Variants in SLC25A21 observed in about 807,000 individuals in gnomAD.
The protein encoded by SLC25A21 is solute carrier family 25 member 21.
A neutral mutation model predicts 43.8 loss-of-function variants in SLC25A21; 47 were observed. The ratio of observed to expected loss-of-function variants is 1.07; its 90% CI spans 0.85 to 1.37. The LOEUF is 1.37. Among genes scored for constraint, SLC25A21 ranks in the 40% most tolerant of loss-of-function variants. The pLI is 0.00. For synonymous variants in SLC25A21, 131 were observed against 121.3 expected (o/e 1.08, Z -0.52); for missense variants, 352 against 350.2 (o/e 1.00, Z -0.04).
intron 7 of SLC25A21, among the ~76,000 whole-genome samples, chr14:36,700,144 C>G (rs1288927639): frequency 6.6e-6 from 1 of 152,218 alleles, no homozygotes. Flanking sequence ...CTACCACAGC[C>G]TCCCAAAGTG....
Position 37,055,103 on chromosome 14 carries a change from T to C in SLC25A21, c.70+117178A>G, listed in dbSNP as rs537422656. Among the ~76,000 whole-genome samples, 36 of 152,304 alleles carry C rather than the reference T, an allele frequency of 2.4e-4. 1 individual carries two copies. Among genetic ancestry groups the C allele is most frequent in the African/African-American group, 5.8e-4 (24 of 41,572 alleles). ...CGGAAATCTTATACCCTTGTCATCA[T>C]TGTATGTTAGGTGTATAGGGGGTGT... On this transcript the variant is annotated intron_variant, in intron 1 of 9. Coordinates refer to ENST00000331299, the MANE Select transcript of SLC25A21 (RefSeq NM_030631.4).
chr14:37,063,085 C>T (rs1202080451), intron 1 of SLC25A21, among the ~76,000 whole-genome samples: 1 of 152,118 alleles, frequency 6.6e-6, no homozygotes, highest in African/African-American at 2.4e-5. Context: ...ATAAAACCAT[C>T]GTATCTCATG....
At chr14:37,096,439 C>A (rs1170391677) in intron 1 of SLC25A21, among the ~76,000 whole-genome samples, 1 of 152,128 alleles carries the variant, frequency 6.6e-6, no homozygotes, top group Non-Finnish European at 1.5e-5. Context: ...GTTATTATTT[C>A]TTTGAATAAA....
At chr14:36,831,899 A>C (rs1889052912) in intron 2 of SLC25A21, among the ~76,000 whole-genome samples, 1 of 152,194 alleles carries the variant, frequency 6.6e-6, no homozygotes, top group South Asian at 2.1e-4. Context: ...AAAATATACA[A>C]CATTCTTTTC....
At chr14:36,857,598 A>C (rs1889937505) in intron 2 of SLC25A21, among the ~76,000 whole-genome samples, 1 of 152,248 alleles carries the variant, frequency 6.6e-6, no homozygotes, top group African/African-American at 2.4e-5. Flanking sequence ...CAAGGTTTAA[A>C]TTTACTTTAT....
chr14:36,931,110 C>G lies in SLC25A21; in HGVS notation c.71-56106G>C, dbSNP rs542344472. ...ACTCAAGTTAATTTTCCTCCTCCCCCCTATTTAAAGTAAGGGAGGCTGGGA... is the reference window on the plus strand; with the variant it reads ...ACTCAAGTTAATTTTCCTCCTCCCCGCTATTTAAAGTAAGGGAGGCTGGGA... On this transcript the variant is annotated intron_variant, in intron 1 of 9. Coordinates refer to ENST00000331299, the MANE Select transcript of SLC25A21 (RefSeq NM_030631.4). Among the ~76,000 whole-genome samples, 336 of 152,228 alleles carry G rather than the reference C, an allele frequency of 2.2e-3. 1 individual carries two copies. Among genetic ancestry groups the G allele is most frequent in the African/African-American group, 7.2e-3 (300 of 41,536 alleles).
chr14:36,764,083 G>GAAAGAAAGAAAGAAAGAAAGAAGGAAA (rs1213150423), intron 3 of SLC25A21, among the ~76,000 whole-genome samples: 1 of 19,714 alleles, frequency 5.1e-5, no homozygotes, highest in Admixed American at 8.5e-4. Flanking sequence ...AAAGAAAGAA[G>GAAAGAAAGAAAGAAAGAAAGAAGGAAA]GAAGGAAGGA....
chr14:37,062,283 T>C (rs751311449), intron 1 of SLC25A21, among the ~76,000 whole-genome samples: 1 of 152,186 alleles, frequency 6.6e-6, no homozygotes, highest in Non-Finnish European at 1.5e-5. Context: ...ATCCCCATGG[T>C]ACTTTACCTA....
rs1961447378 is a variant in SLC25A21, at chr14:37,040,443, A to AAAGAAAG, written c.70+131837_70+131838insCTTTCTT. On this transcript the variant is annotated intron_variant, in intron 1 of 9. Transcript: ENST00000331299. ...AGAAAGAAAGAAAGAAAGAAAGAAA[A>AAAGAAAG]GAAAAATTAGTTACAGGGTGAGGTC... Among the ~76,000 whole-genome samples the AAAGAAAG allele has an allele frequency of 1.5e-5, 2 of 135,414 alleles. 1 individual carries two copies. Among genetic ancestry groups the AAAGAAAG allele is most frequent in the East Asian group, 4.7e-4 (2 of 4,292 alleles). The allele number at this position is 135,414 out of a possible 152,430, so 88.8% of individuals were successfully genotyped here.
intron 7 of SLC25A21, among the ~76,000 whole-genome samples, chr14:36,691,308 A>T (rs1882785379): frequency 6.6e-6 from 1 of 152,224 alleles, no homozygotes; most frequent in Non-Finnish European, 1.5e-5. Flanking sequence ...CAGAATCACA[A>T]GACTAGGAGT....
At chr14:36,764,577 C>A (rs970949880) in intron 3 of SLC25A21, among the ~76,000 whole-genome samples, 4 of 98,682 alleles carry the variant, frequency 4.1e-5, no homozygotes, top group East Asian at 2.8e-4. Context: ...CAAAACAAAA[C>A]AAAAAACAAA....
intron 1 of SLC25A21, among the ~76,000 whole-genome samples, chr14:37,113,299 G>A (rs563776051): frequency 9.2e-5 from 14 of 152,210 alleles, no homozygotes; most frequent in African/African-American, 3.1e-4. Context: ...TAGCAGGATG[G>A]ATTTGGCATG....
intron 7 of SLC25A21, among the ~76,000 whole-genome samples, chr14:36,688,017 C>T (rs562843983): frequency 2.4e-4 from 36 of 152,306 alleles, no homozygotes; most frequent in African/African-American, 8.4e-4. Flanking sequence ...TCCAACTTAT[C>T]TTTCTAGCTT....
intron 1 of SLC25A21, among the ~76,000 whole-genome samples, chr14:37,036,847 G>A (rs1186636399): frequency 6.6e-6 from 1 of 152,182 alleles, no homozygotes; most frequent in Non-Finnish European, 1.5e-5. Context: ...AAAAGCAGAT[G>A]TTCAAATGTG....
intron 1 of SLC25A21, among the ~76,000 whole-genome samples, chr14:37,169,553 C>T (rs1253618892): frequency 6.8e-6 from 1 of 146,518 alleles, no homozygotes; most frequent in African/African-American, 2.6e-5. Context: ...CAGAATGTAT[C>T]TTTGGCCTTT....
intron 2 of SLC25A21, among the ~76,000 whole-genome samples, chr14:36,826,740 C>A (rs1888846198): frequency 6.6e-6 from 1 of 152,186 alleles, no homozygotes; most frequent in Non-Finnish European, 1.5e-5. Flanking sequence ...AGATAAGTGG[C>A]CTCTGGCTAA....
At chr14:36,809,992 T>C (rs1049810246) in intron 3 of SLC25A21, among the ~76,000 whole-genome samples, 1 of 152,168 alleles carries the variant, frequency 6.6e-6, no homozygotes, top group Non-Finnish European at 1.5e-5. Flanking sequence ...TTTGTCTTCT[T>C]TTCTTCTCTT....
intron 1 of SLC25A21, among the ~76,000 whole-genome samples, chr14:37,146,879 C>T (rs1963675386): frequency 1.3e-5 from 2 of 152,086 alleles, no homozygotes; most frequent in Non-Finnish European, 1.5e-5. Context: ...ATAAAAAATG[C>T]AGGTATTTTC....
intron 1 of SLC25A21, among the ~76,000 whole-genome samples, chr14:37,111,338 C>T (rs1705665763): frequency 6.6e-6 from 1 of 152,108 alleles, no homozygotes; most frequent in South Asian, 2.1e-4. Context: ...TCTCTAAGAT[C>T]ACTTCGGTGA....
Sources: allele counts gnomAD v4.1 joint callset (sites outside exome capture counted in the v4.1 genomes callset), GRCh38; gene constraint gnomAD v4.1.1; transcripts MANE v1.5; gene names NCBI Gene and HGNC (gene_info 2026-07-23, HGNC 2026-07-21).